The following GNB5 variants were observed in gnomAD, a reference collection of about 807,000 sequenced individuals.
The protein encoded by GNB5 is G protein subunit beta 5.
Under a neutral mutation model 55.3 loss-of-function variants are expected in GNB5, and 37 were observed. The ratio of observed to expected loss-of-function variants is 0.67; its 90% CI spans 0.51 to 0.88. The LOEUF (loss-of-function observed/expected upper bound fraction) is 0.88, where lower values mean the gene tolerates loss of function less well. Among genes scored for constraint, GNB5 ranks in the 40% least tolerant of loss-of-function variants. GNB5 has a pLI of 0.00. For synonymous variants in GNB5, 219 were observed against 198.5 expected, an observed-to-expected ratio of 1.10 and a Z score of -0.87; for missense variants, 476 against 515.3, an observed-to-expected ratio of 0.92 and a Z score of 0.74.
At chr15:52,163,710 T>G (rs1215753530) in intron 3 of GNB5, among the ~76,000 whole-genome samples, 1 of 152,156 alleles carries the variant, frequency 6.6e-6, no homozygotes, top group Non-Finnish European at 1.5e-5. Flanking sequence ...GCACAGCGTA[T>G]CTGCTCCACC....
intron 3 of GNB5, among the ~76,000 whole-genome samples, chr15:52,162,464 G>C (rs1191883458): frequency 6.6e-6 from 1 of 151,954 alleles, no homozygotes; most frequent in East Asian, 1.9e-4. Flanking sequence ...GAAAAAACAA[G>C]GAACCAAAGC....
rs558627213 is a variant in GNB5, at chr15:52,188,352, G to T, written c.-19+2970C>A. Among the ~76,000 whole-genome samples the T allele has an allele frequency of 4.0e-5, 6 of 151,664 alleles. No homozygotes were observed. The East Asian group carries it at 1.2e-3, about 29-fold the overall frequency. On this transcript the variant is annotated intron_variant, in intron 1 of 12. Transcript: ENST00000261837. Reference sequence around the variant, plus strand: ...TATACATATGCATTGTAGAAAGTTTGGGGGAAAAAAAGATATAAGGAAGAA... The same window carrying T: ...TATACATATGCATTGTAGAAAGTTTTGGGGAAAAAAAGATATAAGGAAGAA...
At chr15:52,171,507 T>C (rs1167259964) in intron 3 of GNB5, among the ~76,000 whole-genome samples, 2 of 152,216 alleles carry the variant, frequency 1.3e-5, no homozygotes, top group African/African-American at 4.8e-5. Context: ...ACCCTTGCAT[T>C]AGCCAGCTCG....
At chr15:52,160,602 T>C (rs1240501389) in intron 3 of GNB5, among the ~76,000 whole-genome samples, 1 of 142,368 alleles carries the variant, frequency 7.0e-6, no homozygotes, top group Admixed American at 6.7e-5. Context: ...TAAATGCATA[T>C]TCATTAAAAA....
rs372832401 is a variant in GNB5 at position 52,135,715 on chromosome 15, G to A, written c.669C>T (p.Asp223=). The A allele has an allele frequency of 4.6e-5, 74 of 1,612,754 alleles. No individual in the cohort carries two copies. In the Middle Eastern group the frequency reaches 1.1e-3, roughly 23 times the overall value. Residue 223 remains aspartate (D), a synonymous_variant, in exon 8 of 13, where the codon GAC becomes GAT. Coordinates refer to ENST00000261837, the MANE Select transcript of GNB5 (RefSeq NM_016194.4). ...TCTGCAGCAGCTGCCCGCTCTCCACGTCCCACAGGGCACATGTGCCATCGC... is the reference window on the plus strand; with the variant it reads ...TCTGCAGCAGCTGCCCGCTCTCCACATCCCACAGGGCACATGTGCCATCGC... ...ASGDGTCALW[D]VESGQLLQSF...
intron 9 of GNB5, chr15:52,128,645 T>G (rs1162089308): frequency 2.1e-6 from 1 of 482,814 alleles, no homozygotes; most frequent in Non-Finnish European, 4.1e-6. Context: ...ATTTACTACC[T>G]GCGATACTTT....
At chr15:52,126,243 C>T in intron 10 of GNB5, 199 bp from the exon 11 acceptor site, 1 of 467,526 alleles carries the variant, frequency 2.1e-6, no homozygotes, top group South Asian at 4.2e-5. Flanking sequence ...GTCCTGATTC[C>T]TATTAATCTC....
intron 3 of GNB5, among the ~76,000 whole-genome samples, chr15:52,155,773 T>C (rs770542006): frequency 3.9e-5 from 6 of 152,214 alleles, no homozygotes; most frequent in Non-Finnish European, 7.3e-5. Flanking sequence ...TTAATGTCAC[T>C]GCATCCCACC....
At chr15:52,126,523 A>G (rs1397173266) in intron 10 of GNB5, among the ~76,000 whole-genome samples, 1 of 152,246 alleles carries the variant, frequency 6.6e-6, no homozygotes, top group Non-Finnish European at 1.5e-5. Flanking sequence ...ATTAGGTTAT[A>G]CGTCCTTTCT....
At chr15:52,190,155 T>G (rs2034900255) in intron 1 of GNB5, among the ~76,000 whole-genome samples, 1 of 150,448 alleles carries the variant, frequency 6.6e-6, no homozygotes, top group Non-Finnish European at 1.5e-5. Context: ...TCTTGCTCTG[T>G]CGCCCAGGTT....
At chr15:52,183,314 G>A (rs537372781) in intron 2 of GNB5, among the ~76,000 whole-genome samples, 1 of 136,152 alleles carries the variant, frequency 7.3e-6, no homozygotes, top group African/African-American at 2.7e-5. Flanking sequence ...AAAAGCAGAA[G>A]AGTTAGATTA....
In GNB5 at chr15:52,117,103, T is replaced by TATATATATATATATATATATA. The variant is rs1555403840; in HGVS notation, c.*5653_*5654insTATATATATATATATATATAT. The TATATATATATATATATATATA allele has an allele frequency of 4.4e-4, 42 of 95,966 alleles. No individual in the cohort carries two copies. The highest frequency in any genetic ancestry group is 4.1e-3 in the Middle Eastern group (1 of 244). 5.9% of individuals were successfully genotyped at this position (95,966 alleles called of 1,614,324 possible). Reference sequence around the variant, plus strand: ...CACGCCCAGCTAATATATATATATATTTTTTTTTAGTACAGACAGGGTTTC... The same window carrying TATATATATATATATATATATA: ...CACGCCCAGCTAATATATATATATATATATATATATATATATATATATTTTTTTTAGTACAGACAGGGTTTC... On this transcript the variant is annotated 3_prime_UTR_variant, in exon 13 of 13. Transcript: ENST00000261837.
chr15:52,156,219 C>T (rs2034204798), intron 3 of GNB5, among the ~76,000 whole-genome samples: 1 of 152,206 alleles, frequency 6.6e-6, no homozygotes, highest in Admixed American at 6.5e-5. Flanking sequence ...TGATGGGGAG[C>T]CCCGTCAAGC....
chr15:52,184,328 C>T (rs530934489), intron 2 of GNB5, among the ~76,000 whole-genome samples: 2 of 152,262 alleles, frequency 1.3e-5, no homozygotes, highest in African/African-American at 4.8e-5. Context: ...GAGGTGAGAA[C>T]CTCCTTGCAC....
At chr15:52,155,562 CCAA>C in intron 3 of GNB5, among the ~76,000 whole-genome samples, 1 of 152,312 alleles carries the variant, frequency 6.6e-6, no homozygotes, top group South Asian at 2.1e-4. Flanking sequence ...TGCCTATTGT[CCAA>C]ATAATAACCT....
intron 7 of GNB5, 80 bp downstream of exon 7, chr15:52,141,060 C>T (rs1315353025): frequency 1.9e-5 from 24 of 1,251,862 alleles, no homozygotes; most frequent in African/African-American, 4.4e-5. Context: ...TTCAGAGAGA[C>T]GCCGAAAGCT....
chr15:52,131,832 A>C (rs2033584961), intron 9 of GNB5, among the ~76,000 whole-genome samples: 2 of 152,202 alleles, frequency 1.3e-5, no homozygotes, highest in Admixed American at 1.3e-4. Context: ...AATACTTTAT[A>C]AACTGTCTCA....
In GNB5 at chr15:52,115,335, A is replaced by G. The variant is rs1166045738; in HGVS notation, c.*7422T>C. The G allele has an allele frequency of 1.3e-5, 2 of 152,220 alleles. No homozygotes were observed. The highest frequency in any genetic ancestry group is 2.9e-5 in the Non-Finnish European group (2 of 68,034). The allele number at this position is 152,220 out of a possible 1,614,324, so 9.4% of individuals were successfully genotyped here. On this transcript the variant is annotated 3_prime_UTR_variant, in exon 13 of 13. Coordinates refer to ENST00000261837, the MANE Select transcript of GNB5 (RefSeq NM_016194.4). Reference sequence around the variant, plus strand: ...TCCACACAATATGAGGCAGTTTGTAATAAGACTCGGTGAAAATCCTGTCTC... The same window carrying G: ...TCCACACAATATGAGGCAGTTTGTAGTAAGACTCGGTGAAAATCCTGTCTC...
chr15:52,154,033 G>A lies in GNB5; in HGVS notation c.282C>T (p.Val94=). Residue 94 remains valine (V), a synonymous_variant, in exon 4 of 13, where the codon GTC becomes GTT. Coordinates refer to ENST00000261837, the MANE Select transcript of GNB5 (RefSeq NM_016194.4). ...AERVEALGQF[V]MKTRRTLKGH... ...CTTTGAGGGTCCTTCTGGTCTTCAT[G>A]ACAAACTGCCCCAGGGCCTCCACCC... is the stretch of plus-strand genomic sequence containing the variant. The A allele has an allele frequency of 6.2e-7, 1 of 1,614,066 alleles. No individual in the cohort carries two copies. Among genetic ancestry groups the A allele is most frequent in the Non-Finnish European group, 8.5e-7 (1 of 1,179,930 alleles).
Sources: gnomAD v4.1 joint callset for allele counts (sites outside exome capture counted in the v4.1 genomes callset) on GRCh38, gnomAD v4.1.1 for gene constraint, MANE v1.5 for transcripts, NCBI Gene and HGNC (gene_info 2026-07-23, HGNC 2026-07-21) for gene names.